Variants in CAB39L observed in about 807,000 individuals in gnomAD.
CAB39L encodes the protein calcium binding protein 39 like.
CAB39L carries 23 observed loss-of-function variants against 39.1 expected under a neutral mutation model. The ratio of observed to expected loss-of-function variants is 0.59; its 90% confidence interval spans 0.42 to 0.83. The LOEUF (loss-of-function observed/expected upper bound fraction) is 0.83. CAB39L is among the 40% of genes least tolerant of loss of function. The pLI, the probability that CAB39L is intolerant of heterozygous loss-of-function variation, is 0.00. For synonymous variants in CAB39L, 126 were observed against 137.2 expected (o/e 0.92, Z 0.57); for missense variants, 366 against 391.9 (o/e 0.93, Z 0.56).
intron 4 of CAB39L, among the ~76,000 whole-genome samples, chr13:49,378,502 T>C (rs1594021738): frequency 6.0e-5 from 3 of 49,864 alleles, no homozygotes; most frequent in South Asian, 8.5e-4. Flanking sequence ...GAGGAGCCCC[T>C]CAGCCCGGCC....
intron 3 of CAB39L, among the ~76,000 whole-genome samples, chr13:49,419,346 C>A (rs2138706107): frequency 6.6e-6 from 1 of 152,296 alleles, no homozygotes; most frequent in South Asian, 2.1e-4. Context: ...TCCTTTGAAT[C>A]ATAAAGTTCT....
At chr13:49,326,702 G>A (rs1954512305) in intron 10 of CAB39L, among the ~76,000 whole-genome samples, 1 of 152,156 alleles carries the variant, frequency 6.6e-6, no homozygotes, top group African/African-American at 2.4e-5. Context: ...GGGGTACGGG[G>A]CAGGCCAAGT....
intron 5 of CAB39L, among the ~76,000 whole-genome samples, chr13:49,364,810 G>A (rs1234506068): frequency 6.6e-6 from 1 of 151,980 alleles, no homozygotes; most frequent in African/African-American, 2.4e-5. Flanking sequence ...ATGCAAAAAA[G>A]GAAAGATATT....
intron 5 of CAB39L, among the ~76,000 whole-genome samples, chr13:49,366,541 C>T (rs999411089): frequency 6.7e-6 from 1 of 148,790 alleles, no homozygotes; most frequent in Non-Finnish European, 1.5e-5. Flanking sequence ...GCAGGGGAAT[C>T]GCTTCAACCC....
chr13:49,341,738 G>A (rs1044750210), intron 8 of CAB39L, among the ~76,000 whole-genome samples: 3 of 152,146 alleles, frequency 2.0e-5, no homozygotes, highest in African/African-American at 4.8e-5. Context: ...GATTTGGAAA[G>A]TTCCCAACAC....
intron 1 of CAB39L, among the ~76,000 whole-genome samples, chr13:49,439,270 A>G (rs891402059): frequency 4.6e-5 from 7 of 152,126 alleles, no homozygotes; most frequent in African/African-American, 7.2e-5. Flanking sequence ...AAACATAGAA[A>G]GAGGTGAATT....
chr13:49,367,133 C>G (rs1199495574), intron 5 of CAB39L, among the ~76,000 whole-genome samples: 1 of 151,952 alleles, frequency 6.6e-6, no homozygotes, highest in Non-Finnish European at 1.5e-5. Flanking sequence ...TGAGAGTAGC[C>G]TGGGCAACAT....
intron 1 of CAB39L, among the ~76,000 whole-genome samples, chr13:49,439,565 G>A (rs1411899627): frequency 6.6e-6 from 1 of 152,190 alleles, no homozygotes; most frequent in African/African-American, 2.4e-5. Flanking sequence ...ATGAGTGCAT[G>A]TATCTTTTTG....
chr13:49,358,783 C>G (rs747830840), intron 6 of CAB39L, among the ~76,000 whole-genome samples: 1 of 152,004 alleles, frequency 6.6e-6, no homozygotes. Context: ...CTGCTTGAAC[C>G]CAGGAGGCAG....
intron 3 of CAB39L, among the ~76,000 whole-genome samples, chr13:49,396,118 A>T (rs1440010352): frequency 1.3e-5 from 2 of 150,766 alleles, no homozygotes; most frequent in African/African-American, 4.9e-5. Context: ...ACTTAAAAAA[A>T]TAACATTTTG....
At chr13:49,429,903 A>G (rs1427172260) in intron 3 of CAB39L, among the ~76,000 whole-genome samples, 3 of 152,182 alleles carry the variant, frequency 2.0e-5, no homozygotes, top group Non-Finnish European at 4.4e-5. Context: ...AAATTTAATA[A>G]GTTATTTCTC....
intron 1 of CAB39L, among the ~76,000 whole-genome samples, chr13:49,437,576 G>A (rs1957437668): frequency 6.6e-6 from 1 of 152,062 alleles, no homozygotes; most frequent in Non-Finnish European, 1.5e-5. Flanking sequence ...CTACCCCTAG[G>A]TCCTGCAACC....
At chr13:49,349,363 C>T (rs73485446) in intron 7 of CAB39L, among the ~76,000 whole-genome samples, 2,381 of 150,868 alleles carry the variant, frequency 0.016, 66 homozygotes, top group African/African-American at 0.054. Context: ...AAGTTACATA[C>T]GTATATCCTG....
chr13:49,359,674 T>C lies in CAB39L; in HGVS notation c.395+40A>G. 3.7e-6 allele frequency: 4 copies of C among 1,085,874 alleles called. No homozygotes were observed. In the South Asian group the frequency reaches 4.0e-5, roughly 11 times the overall value. 67.3% of individuals were successfully genotyped at this position (1,085,874 alleles called of 1,614,324 possible). On this transcript the variant is annotated intron_variant, in intron 6 of 10. Transcript: ENST00000409308. ...AATGCTATGCACTTTTAACAACTAT[T>C]AAAAACTTAGCCCTACTTGAAAGGA...
intron 6 of CAB39L, among the ~76,000 whole-genome samples, chr13:49,354,847 C>T (rs916070956): frequency 9.2e-5 from 14 of 152,068 alleles, no homozygotes; most frequent in Non-Finnish European, 1.8e-4. Context: ...CAGTGAGCTA[C>T]AGTAATCATT....
At chr13:49,344,828 C>T (rs899039706) in intron 7 of CAB39L, among the ~76,000 whole-genome samples, 42 of 152,126 alleles carry the variant, frequency 2.8e-4, no homozygotes, top group African/African-American at 7.2e-4. Flanking sequence ...ATACTGGAAG[C>T]GTAGGACTGA....
chr13:49,373,366 T>A (rs961634269), intron 5 of CAB39L, among the ~76,000 whole-genome samples: 1 of 152,170 alleles, frequency 6.6e-6, no homozygotes, highest in Admixed American at 6.5e-5. Flanking sequence ...TAAACAAAAA[T>A]TCACTTTTTT....
chr13:49,400,443 AACACACAC>A lies in CAB39L; in HGVS notation c.-31-17510_-31-17503del, dbSNP rs60080189. On this transcript the variant is annotated intron_variant, in intron 3 of 10. Coordinates refer to ENST00000409308, the MANE Select transcript of CAB39L (RefSeq NM_001079670.3). ...TTGCTCTATTGCTTATACAAACACA[AACACACAC>A]ACACACACACACACACACACACACA... Among the ~76,000 whole-genome samples, 783 of 138,596 alleles carry A rather than the reference AACACACAC, an allele frequency of 5.6e-3. 5 individuals carry two copies. Among genetic ancestry groups the A allele is most frequent in the African/African-American group, 0.019 (726 of 37,802 alleles). The allele number at this position is 138,596 out of a possible 152,430, so 90.9% of individuals were successfully genotyped here.
intron 7 of CAB39L, among the ~76,000 whole-genome samples, chr13:49,346,699 C>T (rs759286924): frequency 2.6e-5 from 4 of 152,088 alleles, no homozygotes; most frequent in Admixed American, 1.3e-4. Context: ...TTTGCAAATA[C>T]GGTTTCTGAT....
Sources: allele counts gnomAD v4.1 joint callset (sites outside exome capture counted in the v4.1 genomes callset), GRCh38; gene constraint gnomAD v4.1.1; transcripts MANE v1.5; gene names NCBI Gene and HGNC (gene_info 2026-07-23, HGNC 2026-07-21).